The following PARD3B variants were observed in gnomAD, a reference collection of about 807,000 sequenced individuals.
PARD3B encodes the protein par-3 family cell polarity regulator beta.
PARD3B carries 103 observed loss-of-function variants against 130.2 expected under a neutral mutation model. The ratio of observed to expected loss-of-function variants is 0.79; its 90% CI spans 0.67 to 0.93. The LOEUF (loss-of-function observed/expected upper bound fraction) is 0.93, where lower values mean the gene tolerates loss of function less well. Among genes scored for constraint, PARD3B ranks in the 40% least tolerant of loss-of-function variants. PARD3B has a pLI of 0.00. For missense variants in PARD3B, 1,609 were observed against 1,499.2 expected (o/e 1.07, Z -1.21); for synonymous variants, 583 against 553.2 (o/e 1.05, Z -0.76).
chr2:205,600,446 A>T (rs1426541398), intron 22 of PARD3B, among the ~76,000 whole-genome samples: 4 of 152,152 alleles, frequency 2.6e-5, no homozygotes, highest in Non-Finnish European at 5.9e-5. Context: ...CTGAATAAAA[A>T]TCACACTCTT....
intron 20 of PARD3B, among the ~76,000 whole-genome samples, chr2:205,476,348 T>A (rs1467516826): frequency 6.6e-6 from 1 of 152,176 alleles, no homozygotes; most frequent in African/African-American, 2.4e-5. Flanking sequence ...AGTTTCCTTT[T>A]TTTCATTTTT....
intron 10 of PARD3B, among the ~76,000 whole-genome samples, chr2:205,126,386 T>C (rs945629302): frequency 1.3e-5 from 2 of 152,134 alleles, no homozygotes; most frequent in African/African-American, 4.8e-5. Context: ...AGTGATATAT[T>C]GGGTCCTGTA....
At chr2:205,434,893 T>G (rs1174914005) in intron 19 of PARD3B, among the ~76,000 whole-genome samples, 6 of 150,604 alleles carry the variant, frequency 4.0e-5, no homozygotes, top group Non-Finnish European at 7.4e-5. Context: ...ATTTTTTAAG[T>G]TTTTAAAATT....
At chr2:204,741,401 C>T (rs1019750718) in intron 2 of PARD3B, among the ~76,000 whole-genome samples, 2 of 152,018 alleles carry the variant, frequency 1.3e-5, no homozygotes, top group Non-Finnish European at 2.9e-5. Flanking sequence ...CTTCATTTCC[C>T]CAAATCTTCA....
intron 2 of PARD3B, among the ~76,000 whole-genome samples, chr2:204,795,493 A>G (rs2042339309): frequency 1.3e-5 from 2 of 152,192 alleles, no homozygotes; most frequent in African/African-American, 4.8e-5. Flanking sequence ...CTGAGGAGAA[A>G]TGTTCAACAG....
intron 4 of PARD3B, among the ~76,000 whole-genome samples, chr2:205,089,130 T>TG (rs1701933441): frequency 1.4e-5 from 2 of 141,152 alleles, no homozygotes; most frequent in African/African-American, 5.5e-5. Context: ...ATGGGCACTC[T>TG]CTTTTTTTTT....
chr2:204,680,533 T>A (rs2036777354), intron 1 of PARD3B, among the ~76,000 whole-genome samples: 1 of 152,090 alleles, frequency 6.6e-6, no homozygotes, highest in Non-Finnish European at 1.5e-5. Context: ...GTTGTTTTTT[T>A]ATTTCATTGT....
chr2:205,139,773 A>C (rs1417926754), intron 10 of PARD3B, among the ~76,000 whole-genome samples: 1 of 152,204 alleles, frequency 6.6e-6, no homozygotes, highest in Non-Finnish European at 1.5e-5. Context: ...GGTTAAGTTA[A>C]TAACATGTCA....
At chr2:205,450,744 G>A (rs1176943163) in intron 20 of PARD3B, among the ~76,000 whole-genome samples, 1 of 152,052 alleles carries the variant, frequency 6.6e-6, no homozygotes, top group African/African-American at 2.4e-5. Context: ...CCAAAGTGCT[G>A]GGATTACAGG....
chr2:204,581,473 T>A (rs1050234265), intron 1 of PARD3B, among the ~76,000 whole-genome samples: 2 of 152,154 alleles, frequency 1.3e-5, no homozygotes, highest in African/African-American at 4.8e-5. Flanking sequence ...TTTATTTTTT[T>A]AAAAACTCAC....
intron 2 of PARD3B, among the ~76,000 whole-genome samples, chr2:204,760,728 G>A (rs1315230907): frequency 1.3e-5 from 2 of 152,102 alleles, no homozygotes; most frequent in Non-Finnish European, 2.9e-5. Context: ...TATTTATTGT[G>A]TTAGGTATAT....
At chr2:205,153,266 T>A (rs1431354026) in intron 10 of PARD3B, among the ~76,000 whole-genome samples, 1 of 152,184 alleles carries the variant, frequency 6.6e-6, no homozygotes, top group Non-Finnish European at 1.5e-5. Flanking sequence ...GTCTGTCTGT[T>A]CTCAGATCTC....
chr2:204,638,090 C>A (rs991698251), intron 1 of PARD3B, among the ~76,000 whole-genome samples: 1 of 152,124 alleles, frequency 6.6e-6, no homozygotes, highest in African/African-American at 2.4e-5. Context: ...TGATATTGGA[C>A]TCTCAGCAAT....
At chr2:205,488,427 C>G (rs2049533372) in intron 20 of PARD3B, among the ~76,000 whole-genome samples, 1 of 152,140 alleles carries the variant, frequency 6.6e-6, no homozygotes, top group Admixed American at 6.6e-5. Context: ...CAGTAATGCT[C>G]ACCTGTGTAA....
rs548230745 is a variant in PARD3B at position 204,625,391 on chromosome 2, C to T, written c.121-60790C>T. On this transcript the variant is annotated intron_variant, in intron 1 of 22. Coordinates refer to ENST00000406610, the MANE Select transcript of PARD3B (RefSeq NM_001302769.2). ...GCAAGGAACATGCTCCTTTAAGATG[C>T]GGCTGAGAGGGCCATCCACCATTCA... Among the ~76,000 whole-genome samples, 27 of 152,242 alleles carry T rather than the reference C, an allele frequency of 1.8e-4. 1 individual carries two copies. In the South Asian group the frequency reaches 3.9e-3, roughly 22 times the overall value.
intron 1 of PARD3B, among the ~76,000 whole-genome samples, chr2:204,553,810 G>A (rs1297171114): frequency 6.6e-6 from 1 of 150,658 alleles, no homozygotes; most frequent in Non-Finnish European, 1.5e-5. Context: ...AGTAACTCAG[G>A]AATGGAAACC....
intron 18 of PARD3B, among the ~76,000 whole-genome samples, chr2:205,378,635 CTT>C (rs559839181): frequency 1.6e-4 from 22 of 137,070 alleles, no homozygotes; most frequent in Admixed American, 1.5e-4. Flanking sequence ...ATTTTTTTTT[CTT>C]TTTTTTTTTT....
Position 204,623,051 on chromosome 2 carries a change from T to G in PARD3B, c.121-63130T>G, listed in dbSNP as rs1339091612. On this transcript the variant is annotated intron_variant, in intron 1 of 22. Coordinates refer to ENST00000406610, the MANE Select transcript of PARD3B (RefSeq NM_001302769.2). This position sits in a 1 kb window ranked among gnomAD's most constrained non-coding sequence, Gnocchi z 4.5. ...AGACTATAAATTGGATCTTGAATTC[T>G]GAATTACTAGAATAAAGATTAGTGA... Among the ~76,000 whole-genome samples, 1 of 152,156 alleles carries G rather than the reference T, an allele frequency of 6.6e-6. No individual in the cohort carries two copies. Among genetic ancestry groups the G allele is most frequent in the Non-Finnish European group, 1.5e-5 (1 of 68,022 alleles).
At chr2:204,861,305 G>T (rs1208635679) in intron 2 of PARD3B, among the ~76,000 whole-genome samples, 1 of 151,344 alleles carries the variant, frequency 6.6e-6, no homozygotes, top group East Asian at 1.9e-4. Flanking sequence ...ACTTTAAGCA[G>T]AAATATATAA....
Sources: gnomAD v4.1 joint callset for allele counts (sites outside exome capture counted in the v4.1 genomes callset) on GRCh38, gnomAD v4.1.1 for gene constraint, Gnocchi (gnomAD v3.1) non-coding constraint, MANE v1.5 for transcripts, NCBI Gene and HGNC (gene_info 2026-07-23, HGNC 2026-07-21) for gene names.